The following PAK5 variants were observed in gnomAD, a reference collection of about 807,000 sequenced individuals.
PAK5 encodes serine/threonine-protein kinase PAK 5.
Under a neutral mutation model 65.9 loss-of-function variants are expected in PAK5, and 16 were observed. The observed-to-expected ratio is 0.24, with a 90% CI of 0.16 to 0.37. The LOEUF (loss-of-function observed/expected upper bound fraction) is 0.37. Among genes scored for constraint, PAK5 ranks in the 10% least tolerant of loss-of-function variants. PAK5 has a pLI of 1.00. For missense variants in PAK5, 785 were observed against 903.9 expected, an observed-to-expected ratio of 0.87 and a Z score of 1.69; for synonymous variants, 371 against 354.9, an observed-to-expected ratio of 1.05 and a Z score of -0.51.
chr20:9,595,246 T>C (rs141541150), intron 3 of PAK5, among the ~76,000 whole-genome samples: 319 of 152,246 alleles, frequency 2.1e-3, no homozygotes, highest in African/African-American at 7.4e-3. Flanking sequence ...GGAAAAATGA[T>C]TGATTCACAA....
intron 1 of PAK5, among the ~76,000 whole-genome samples, chr20:9,753,015 T>C (rs2048593770): frequency 6.6e-6 from 1 of 152,056 alleles, no homozygotes; most frequent in South Asian, 2.1e-4. Flanking sequence ...GCCTCAGTTA[T>C]CCTAGAAGTT....
intron 1 of PAK5, among the ~76,000 whole-genome samples, chr20:9,777,367 G>A (rs1338242213): frequency 6.6e-6 from 1 of 152,164 alleles, no homozygotes; most frequent in African/African-American, 2.4e-5. Context: ...AAGGGGGCAG[G>A]TTTTTCCAGT....
intron 2 of PAK5, among the ~76,000 whole-genome samples, chr20:9,690,750 C>CTTTTTT (rs112955560): frequency 5.4e-4 from 56 of 103,956 alleles, no homozygotes; most frequent in African/African-American, 1.1e-3. Flanking sequence ...TTCTTTCTTT[C>CTTTTTT]TTTTTTTTTT....
At chr20:9,589,409 T>C (rs2046126846) in intron 3 of PAK5, among the ~76,000 whole-genome samples, 1 of 152,226 alleles carries the variant, frequency 6.6e-6, no homozygotes, top group Non-Finnish European at 1.5e-5. Flanking sequence ...ATATTTTCAA[T>C]AAATATTTTC....
intron 1 of PAK5, among the ~76,000 whole-genome samples, chr20:9,766,185 A>C (rs1002962121): frequency 1.3e-5 from 2 of 150,766 alleles, no homozygotes; most frequent in Non-Finnish European, 3.0e-5. Flanking sequence ...TTGCGCCACT[A>C]TACTCCAGCC....
At chr20:9,754,145 G>A (rs1048243121) in intron 1 of PAK5, among the ~76,000 whole-genome samples, 1 of 152,068 alleles carries the variant, frequency 6.6e-6, no homozygotes, top group Non-Finnish European at 1.5e-5. Flanking sequence ...TACTTTGTTG[G>A]TAACCACTGA....
chr20:9,742,783 G>A (rs1286971193), intron 1 of PAK5, among the ~76,000 whole-genome samples: 2 of 152,164 alleles, frequency 1.3e-5, no homozygotes, highest in African/African-American at 4.8e-5. Flanking sequence ...CCTCAAACAT[G>A]CCTAAAACAT....
chr20:9,542,644 A>G lies in PAK5; in HGVS notation c.1946T>C (p.Leu649Pro). ...GEPPYFNEPP[L>P]QAMRRIRDSL... ...GTCCCGGATCCTCCGCATCGCCTGG[A>G]GGGGAGGCTCATTGAAGTAGGGGGG... Residue 649 changes from leucine (L) to proline (P), a missense_variant, in exon 9 of 10, where the codon CTC becomes CCC. Coordinates refer to ENST00000353224, the MANE Select transcript of PAK5 (RefSeq NM_177990.4). The G allele has an allele frequency of 6.2e-7, 1 of 1,613,998 alleles. No homozygotes were observed.
At chr20:9,746,099 T>C (rs1452250348) in intron 1 of PAK5, among the ~76,000 whole-genome samples, 3 of 152,162 alleles carry the variant, frequency 2.0e-5, no homozygotes, top group Non-Finnish European at 4.4e-5. Flanking sequence ...TCTTATCTGG[T>C]AATGATCTTC....
Position 9,741,406 on chromosome 20 carries a change from A to G in PAK5, c.-161-29971T>C, listed in dbSNP as rs1023619668. Among the ~76,000 whole-genome samples, 6 of 152,140 alleles carry G rather than the reference A, an allele frequency of 3.9e-5. No homozygotes were observed. In the East Asian group the frequency reaches 1.2e-3, roughly 29 times the overall value. On this transcript the variant is annotated intron_variant, in intron 1 of 9. Transcript: ENST00000353224. ...ATTACATTATACACACAGTCCCGGG[A>G]GGAATCTAAGTATGTCTAGCACGGT...
intron 1 of PAK5, among the ~76,000 whole-genome samples, chr20:9,787,241 C>A (rs2123710067): frequency 6.6e-6 from 1 of 152,210 alleles, no homozygotes; most frequent in African/African-American, 2.4e-5. Flanking sequence ...AGTGATCATG[C>A]CCTACTTGTC....
intron 4 of PAK5, among the ~76,000 whole-genome samples, chr20:9,570,392 T>C (rs888713723): frequency 2.0e-5 from 3 of 152,200 alleles, no homozygotes; most frequent in Admixed American, 6.5e-5. Context: ...GAACAATGTA[T>C]AGTTAAAATA....
At position 9,538,718 on chromosome 20, in the gene PAK5, T is replaced by C. The variant is rs2045209414; in HGVS notation, c.*744A>G. ...AGGAGTGGTATACTGTGGCTCAAAT[T>C]TTATTTCATTATTTTTGGTTGGATT... On this transcript the variant is annotated 3_prime_UTR_variant, in exon 10 of 10. Transcript: ENST00000353224. 4.3e-6 allele frequency: 1 copy of C among 233,314 alleles called. No homozygotes were observed. The highest frequency in any genetic ancestry group is 2.2e-5 in the African/African-American group (1 of 45,332). 14.5% of individuals were successfully genotyped at this position (233,314 alleles called of 1,614,324 possible).
At chr20:9,682,249 C>T (rs1446743403) in intron 2 of PAK5, among the ~76,000 whole-genome samples, 4 of 151,926 alleles carry the variant, frequency 2.6e-5, no homozygotes, top group Non-Finnish European at 5.9e-5. Flanking sequence ...CCTAGCTACT[C>T]GGGAGGCTGA....
rs146246146 is a variant in PAK5, at chr20:9,607,230, T to C, written c.205-26300A>G. 3.0e-3 allele frequency among the ~76,000 whole-genome samples: 460 copies of C among 152,294 alleles called. 3 individuals carry two copies. The highest frequency in any genetic ancestry group is 0.01 in the African/African-American group (431 of 41,560). On this transcript the variant is annotated intron_variant, in intron 3 of 9. Transcript: ENST00000353224. ...GTGCAGCCCACTATGGCTTCTCTGA[T>C]AGTCCTGCCAAAGGTGCATCACCTG...
At chr20:9,643,984 T>C (rs1181210486) in intron 3 of PAK5, 141 bp downstream of exon 3, 1 of 664,688 alleles carries the variant, frequency 1.5e-6, no homozygotes, top group East Asian at 3.0e-5. Flanking sequence ...ATTATAATCA[T>C]GAAAGAATAA....
chr20:9,729,808 G>C (rs1242081228), intron 1 of PAK5, among the ~76,000 whole-genome samples: 3 of 151,128 alleles, frequency 2.0e-5, no homozygotes, highest in African/African-American at 7.3e-5. Context: ...ACATATTCTT[G>C]TACTCATGCC....
chr20:9,736,277 C>A (rs1039978404), intron 1 of PAK5, among the ~76,000 whole-genome samples: 2 of 152,050 alleles, frequency 1.3e-5, no homozygotes. Context: ...ACCTGTGGAA[C>A]AACTTCAAGT....
intron 2 of PAK5, among the ~76,000 whole-genome samples, chr20:9,693,068 C>T (rs2047819192): frequency 6.6e-6 from 1 of 152,064 alleles, no homozygotes; most frequent in South Asian, 2.1e-4. Context: ...CCACTTTATT[C>T]TGAGTGTCCT....
Sources: gnomAD v4.1 joint callset for allele counts (sites outside exome capture counted in the v4.1 genomes callset) on GRCh38, gnomAD v4.1.1 for gene constraint, MANE v1.5 for transcripts, NCBI Gene and HGNC (gene_info 2026-07-23, HGNC 2026-07-21) for gene names.